RAB3C: variants seen among roughly 807,000 people sequenced by gnomAD.
RAB3C encodes the protein ras-related protein Rab-3C.
Under a neutral mutation model 26.4 loss-of-function variants are expected in RAB3C, and 17 were observed. The ratio of observed to expected loss-of-function variants is 0.64; its 90% confidence interval spans 0.44 to 0.97. The LOEUF (loss-of-function observed/expected upper bound fraction) is 0.97. Among genes scored for constraint, RAB3C ranks in the 50% least tolerant of loss-of-function variants. The probability of loss-of-function intolerance (pLI) is 0.00; values close to 1 mark genes in which losing one functional copy is unlikely to be tolerated. For missense variants in RAB3C, 242 were observed against 281.9 expected (o/e 0.86, Z 1.01); for synonymous variants, 91 against 95.9 (o/e 0.95, Z 0.30).
intron 3 of RAB3C, among the ~76,000 whole-genome samples, chr5:58,772,272 A>C (rs1353460036): frequency 6.6e-6 from 1 of 152,166 alleles, no homozygotes; most frequent in Admixed American, 6.6e-5. Flanking sequence ...TGACAGGACC[A>C]ATGTAGTGCT....
intron 2 of RAB3C, among the ~76,000 whole-genome samples, chr5:58,666,900 C>T (rs146105322): frequency 7.2e-5 from 11 of 152,274 alleles, no homozygotes; most frequent in South Asian, 4.1e-4. Context: ...GTGCGTGGGA[C>T]GTCAGACCAG....
intron 3 of RAB3C, among the ~76,000 whole-genome samples, chr5:58,728,287 C>T (rs1309020651): frequency 2.0e-5 from 3 of 152,026 alleles, no homozygotes; most frequent in Non-Finnish European, 4.4e-5. Flanking sequence ...ATAGATCCAC[C>T]ATCACCCAGT....
At chr5:58,849,465 C>T (rs159746) in intron 4 of RAB3C, among the ~76,000 whole-genome samples, 10,305 of 152,192 alleles carry the variant, frequency 0.068, 451 homozygotes, top group Middle Eastern at 0.15. Context: ...GGAAGTTGAA[C>T]GATCTAGCTC....
At chr5:58,656,489 C>G (rs1197023333) in intron 2 of RAB3C, among the ~76,000 whole-genome samples, 1 of 151,996 alleles carries the variant, frequency 6.6e-6, no homozygotes, top group African/African-American at 2.4e-5. Context: ...AAAATGTGTA[C>G]ATTTGTATCT....
At chr5:58,802,251 T>C (rs1742825684) in intron 3 of RAB3C, among the ~76,000 whole-genome samples, 1 of 152,196 alleles carries the variant, frequency 6.6e-6, no homozygotes, top group Non-Finnish European at 1.5e-5. Flanking sequence ...TTCTTATTGT[T>C]ATATTATTTA....
At chr5:58,752,222 A>T (rs1043717387) in intron 3 of RAB3C, among the ~76,000 whole-genome samples, 1 of 152,190 alleles carries the variant, frequency 6.6e-6, no homozygotes, top group Admixed American at 6.5e-5. Flanking sequence ...ATCCCCTACC[A>T]GAAGAAATAT....
intron 2 of RAB3C, among the ~76,000 whole-genome samples, chr5:58,649,688 G>T (rs1747602956): frequency 6.6e-6 from 1 of 152,040 alleles, no homozygotes; most frequent in Non-Finnish European, 1.5e-5. Flanking sequence ...ACAAGCTCTT[G>T]TCTCTCCCTG....
chr5:58,682,339 G>C (rs1382497457), intron 2 of RAB3C, among the ~76,000 whole-genome samples: 1 of 152,148 alleles, frequency 6.6e-6, no homozygotes, highest in Admixed American at 6.6e-5. Context: ...TTTTGCCACT[G>C]CCACTATGTT....
chr5:58,778,265 C>CT (rs1353731970), intron 3 of RAB3C, among the ~76,000 whole-genome samples: 1 of 152,122 alleles, frequency 6.6e-6, no homozygotes, highest in Non-Finnish European at 1.5e-5. Context: ...TATATAGAAT[C>CT]TTACAATAAA....
At chr5:58,746,190 G>C (rs1741398602) in intron 3 of RAB3C, among the ~76,000 whole-genome samples, 1 of 152,140 alleles carries the variant, frequency 6.6e-6, no homozygotes, top group Non-Finnish European at 1.5e-5. Flanking sequence ...ATAAACAGAA[G>C]GGTCTTTTTG....
At chr5:58,692,197 C>T (rs1339058476) in intron 2 of RAB3C, among the ~76,000 whole-genome samples, 1 of 152,108 alleles carries the variant, frequency 6.6e-6, no homozygotes, top group Non-Finnish European at 1.5e-5. Flanking sequence ...TAGCCACGTC[C>T]ATTTTTATCT....
chr5:58,681,159 A>G (rs1748334772), intron 2 of RAB3C, among the ~76,000 whole-genome samples: 1 of 152,236 alleles, frequency 6.6e-6, no homozygotes, highest in African/African-American at 2.4e-5. Context: ...AAAGTATCAG[A>G]AAAGACATGA....
At chr5:58,630,024 G>A (rs1365043433) in intron 2 of RAB3C, among the ~76,000 whole-genome samples, 2 of 152,130 alleles carry the variant, frequency 1.3e-5, no homozygotes, top group Non-Finnish European at 2.9e-5. Flanking sequence ...CATGTGTTCT[G>A]GGTGTTGTCT....
At chr5:58,815,184 A>G (rs1473487276) in intron 3 of RAB3C, among the ~76,000 whole-genome samples, 1 of 152,196 alleles carries the variant, frequency 6.6e-6, no homozygotes, top group East Asian at 1.9e-4. Context: ...CACATTCAAC[A>G]CAATGTAGGC....
intron 2 of RAB3C, among the ~76,000 whole-genome samples, chr5:58,685,850 G>A (rs1026011514): frequency 9.9e-5 from 15 of 152,136 alleles, no homozygotes; most frequent in African/African-American, 2.7e-4. Flanking sequence ...TGGAAAAAAC[G>A]TAGATATAGA....
At chr5:58,584,685 C>T (rs1365985975) in intron 1 of RAB3C, among the ~76,000 whole-genome samples, 1 of 152,076 alleles carries the variant, frequency 6.6e-6, no homozygotes, top group East Asian at 1.9e-4. Flanking sequence ...TATATTAAAA[C>T]ATGTACATCT....
chr5:58,802,808 C>T (rs530587196), intron 3 of RAB3C, among the ~76,000 whole-genome samples: 14 of 152,176 alleles, frequency 9.2e-5, no homozygotes, highest in Non-Finnish European at 1.8e-4. Context: ...TGACACAAGA[C>T]ATTGCCTTCT....
chr5:58,657,615 T>C (rs890097398), intron 2 of RAB3C, among the ~76,000 whole-genome samples: 2 of 152,046 alleles, frequency 1.3e-5, no homozygotes, highest in African/African-American at 2.4e-5. Flanking sequence ...GAATGGCAGA[T>C]GGTGAGGTGG....
At chr5:58,773,019 C>A (rs1251279573) in intron 3 of RAB3C, among the ~76,000 whole-genome samples, 1 of 152,116 alleles carries the variant, frequency 6.6e-6, no homozygotes, top group Non-Finnish European at 1.5e-5. Context: ...ACCTAGAAGC[C>A]TACATAGATT....
Sources: gnomAD v4.1 joint callset for allele counts (sites outside exome capture counted in the v4.1 genomes callset) on GRCh38, gnomAD v4.1.1 for gene constraint, MANE v1.5 for transcripts, NCBI Gene and HGNC (gene_info 2026-07-23, HGNC 2026-07-21) for gene names.